CLSTN2: variants seen among roughly 807,000 people sequenced by gnomAD.
CLSTN2 encodes calsyntenin-2.
In CLSTN2, 48 loss-of-function variants were observed where a neutral mutation model predicts 101.2. The observed-to-expected ratio is 0.47, with a 90% confidence interval of 0.38 to 0.60. The LOEUF is 0.60. Among genes scored for constraint, CLSTN2 ranks in the 20% least tolerant of loss-of-function variants. The pLI is 0.00. For synonymous variants in CLSTN2, 481 were observed against 463.6 expected (o/e 1.04, Z -0.48); for missense variants, 1,160 against 1,238.2 (o/e 0.94, Z 0.95).
chr3:140,162,248 T>C (rs60452039), intron 1 of CLSTN2, among the ~76,000 whole-genome samples: 2,030 of 152,310 alleles, frequency 0.013, 49 homozygotes, highest in African/African-American at 0.047. Context: ...TTCCTGGCCA[T>C]ATTTTGAGAA....
At chr3:140,272,257 G>A (rs1376926795) in intron 2 of CLSTN2, among the ~76,000 whole-genome samples, 1 of 152,166 alleles carries the variant, frequency 6.6e-6, no homozygotes, top group African/African-American at 2.4e-5. Context: ...TGGCTGAATG[G>A]CCTTGGGCAA....
At chr3:140,566,022 T>C (rs1393109519) in intron 16 of CLSTN2, 31 bp from the exon 17 acceptor site, 1 of 1,613,694 alleles carries the variant, frequency 6.2e-7, no homozygotes, top group East Asian at 2.2e-5. Context: ...CAGCCCCTGA[T>C]GAGCATTTGC....
intron 8 of CLSTN2, among the ~76,000 whole-genome samples, chr3:140,475,302 A>G (rs1421985212): frequency 6.6e-6 from 1 of 152,228 alleles, no homozygotes; most frequent in African/African-American, 2.4e-5. Context: ...GATGGAGCAT[A>G]TTGCATACCT....
chr3:140,052,691 A>G (rs889897662), intron 1 of CLSTN2, among the ~76,000 whole-genome samples: 1 of 152,114 alleles, frequency 6.6e-6, no homozygotes, highest in Non-Finnish European at 1.5e-5. Context: ...TTCTCTTTTG[A>G]AGCGTAGCCC....
At chr3:140,559,017 A>C (rs1935860282) in intron 12 of CLSTN2, among the ~76,000 whole-genome samples, 160 bp downstream of exon 12, 1 of 152,198 alleles carries the variant, frequency 6.6e-6, no homozygotes, top group South Asian at 2.1e-4. Flanking sequence ...AAAGCAATAA[A>C]CAAATGAAAT....
chr3:140,261,922 T>C (rs1286456161), intron 2 of CLSTN2, among the ~76,000 whole-genome samples: 1 of 152,230 alleles, frequency 6.6e-6, no homozygotes, highest in African/African-American at 2.4e-5. Flanking sequence ...AAAATGTTTT[T>C]GGAGCTTGAT....
At chr3:140,424,831 G>C (rs901233388) in intron 5 of CLSTN2, among the ~76,000 whole-genome samples, 6 of 152,150 alleles carry the variant, frequency 3.9e-5, no homozygotes, top group Non-Finnish European at 7.4e-5. Flanking sequence ...TTGCACAGAA[G>C]GCTGTGACTG....
intron 8 of CLSTN2, among the ~76,000 whole-genome samples, chr3:140,529,730 G>T (rs920850427): frequency 3.9e-5 from 6 of 152,108 alleles, no homozygotes; most frequent in African/African-American, 7.2e-5. Context: ...TTGTTTAGAC[G>T]CCCAATTAGG....
intron 1 of CLSTN2, among the ~76,000 whole-genome samples, chr3:140,129,115 T>C (rs1229705782): frequency 6.6e-6 from 1 of 152,146 alleles, no homozygotes; most frequent in Non-Finnish European, 1.5e-5. Flanking sequence ...GATGTCAGCA[T>C]AGAGCTGAGC....
chr3:140,024,279 C>T (rs578059919), intron 1 of CLSTN2, among the ~76,000 whole-genome samples: 7 of 152,116 alleles, frequency 4.6e-5, no homozygotes, highest in Non-Finnish European at 8.8e-5. Context: ...GGCAGTGTTC[C>T]GCAGTGTGGG....
chr3:140,114,372 C>A (rs1038756663), intron 1 of CLSTN2, among the ~76,000 whole-genome samples: 3 of 152,180 alleles, frequency 2.0e-5, no homozygotes, highest in Admixed American at 6.5e-5. Context: ...CCCGCTGGCC[C>A]TGCATCTGGC....
chr3:140,465,193 A>T (rs1047628720), intron 7 of CLSTN2, among the ~76,000 whole-genome samples: 1 of 152,182 alleles, frequency 6.6e-6, no homozygotes, highest in Non-Finnish European at 1.5e-5. Context: ...AAGGCTCATG[A>T]AGTCATCATC....
intron 5 of CLSTN2, among the ~76,000 whole-genome samples, chr3:140,426,070 C>T (rs765030411): frequency 8.5e-5 from 13 of 152,180 alleles, no homozygotes; most frequent in African/African-American, 3.1e-4. Context: ...TAATGACAGG[C>T]TTGCATCCTG....
chr3:140,172,057 C>G (rs1383034116), intron 1 of CLSTN2, among the ~76,000 whole-genome samples: 1 of 150,400 alleles, frequency 6.6e-6, no homozygotes, highest in Admixed American at 6.7e-5. Flanking sequence ...TCATGCCTAC[C>G]TCACAGGATG....
At chr3:140,461,407 T>A (rs113315386) in intron 7 of CLSTN2, 100 of 152,282 alleles carry the variant, frequency 6.6e-4, no homozygotes, top group African/African-American at 2.1e-3. Context: ...TACAAAGCAG[T>A]GTGAGCTGGG....
intron 6 of CLSTN2, among the ~76,000 whole-genome samples, chr3:140,458,390 C>T (rs1933469541): frequency 6.6e-6 from 1 of 152,078 alleles, no homozygotes; most frequent in African/African-American, 2.4e-5. Context: ...ACTTTAGACT[C>T]CCATTATTTG....
chr3:140,267,188 G>C (rs948100961), intron 2 of CLSTN2, among the ~76,000 whole-genome samples: 10 of 152,176 alleles, frequency 6.6e-5, no homozygotes, highest in Non-Finnish European at 1.3e-4. Context: ...GTTATACTGT[G>C]TTGGTCCCTC....
chr3:140,438,588 G>GT (rs2088711969), intron 5 of CLSTN2, among the ~76,000 whole-genome samples: 1 of 152,014 alleles, frequency 6.6e-6, no homozygotes, highest in Admixed American at 6.6e-5. Context: ...AATTGTGAAT[G>GT]TTTTTCAAAG....
In CLSTN2 at chr3:140,571,495, G is replaced by A. The variant is rs574754806; in HGVS notation, c.*5242G>A. On this transcript the variant is annotated 3_prime_UTR_variant, in exon 17 of 17. Coordinates refer to ENST00000458420, the MANE Select transcript of CLSTN2 (RefSeq NM_022131.3). ...GGTAAGATAACGTTTAGGCCTCTGG[G>A]GGATCCCCAAAGCCTTCTGCAATGT... The A allele has an allele frequency of 1.3e-5, 2 of 152,304 alleles. No homozygotes were observed. The highest frequency in any genetic ancestry group is 3.9e-4 in the East Asian group (2 of 5,180). The allele number at this position is 152,304 out of a possible 1,614,324, so 9.4% of individuals were successfully genotyped here. A position where few individuals can be genotyped will look rare whatever the true frequency, so the allele number is the denominator to read the frequency against.
Sources: allele counts gnomAD v4.1 joint callset (sites outside exome capture counted in the v4.1 genomes callset), GRCh38; gene constraint gnomAD v4.1.1; transcripts MANE v1.5; gene names NCBI Gene and HGNC (gene_info 2026-07-23, HGNC 2026-07-21).